The following KCNN2 variants were observed in gnomAD, a reference collection of about 807,000 sequenced individuals.
The protein encoded by KCNN2 is small conductance calcium-activated potassium channel protein 2.
KCNN2 carries 24 observed loss-of-function variants against 55.5 expected under a neutral mutation model. The ratio of observed to expected loss-of-function variants is 0.43; its 90% CI spans 0.31 to 0.61. The LOEUF (loss-of-function observed/expected upper bound fraction) is 0.61, where lower values mean the gene tolerates loss of function less well. Ranked by LOEUF, KCNN2 falls within the 20% of genes least tolerant of loss-of-function variation. The probability of loss-of-function intolerance (pLI) is 0.08; values close to 1 mark genes in which losing one functional copy is unlikely to be tolerated. For missense variants in KCNN2, 754 were observed against 853.6 expected, an observed-to-expected ratio of 0.88 and a Z score of 1.45; for synonymous variants, 431 against 336.1, an observed-to-expected ratio of 1.28 and a Z score of -3.09.
At chr5:114,338,989 A>C (rs1357865555) in intron 2 of KCNN2, among the ~76,000 whole-genome samples, 4 of 152,254 alleles carry the variant, frequency 2.6e-5, no homozygotes, top group Admixed American at 1.3e-4. Context: ...ACCTTGGGCC[A>C]TTAAAGAACT....
intron 3 of KCNN2, among the ~76,000 whole-genome samples, chr5:114,409,743 A>C (rs777034092): frequency 1.3e-5 from 2 of 152,102 alleles, no homozygotes; most frequent in Non-Finnish European, 2.9e-5. Flanking sequence ...GATTTCTATA[A>C]GTTTCTAGAA....
intron 1 of KCNN2, among the ~76,000 whole-genome samples, chr5:114,176,208 T>C (rs960485132): frequency 2.0e-5 from 3 of 152,172 alleles, no homozygotes; most frequent in Admixed American, 2.0e-4. Context: ...GTGCACCCTT[T>C]CCCAAGTGTG....
At chr5:114,150,468 G>T (rs965670006) in intron 1 of KCNN2, among the ~76,000 whole-genome samples, 7 of 152,160 alleles carry the variant, frequency 4.6e-5, no homozygotes, top group Non-Finnish European at 8.8e-5. Flanking sequence ...AAGATAAGTG[G>T]CCTCTTTAAC....
chr5:114,491,418 G>A (rs1194135461), intron 6 of KCNN2, among the ~76,000 whole-genome samples: 2 of 151,388 alleles, frequency 1.3e-5, no homozygotes, highest in African/African-American at 2.4e-5. Context: ...AAAGGTAAAG[G>A]TAATCGTCAA....
chr5:114,274,783 AG>A (rs1755449137), intron 2 of KCNN2, among the ~76,000 whole-genome samples: 1 of 152,230 alleles, frequency 6.6e-6, no homozygotes, highest in Non-Finnish European at 1.5e-5. Context: ...ATCTGCAAAC[AG>A]AGACAATTTG....
chr5:114,480,673 C>G (rs1762184973), intron 5 of KCNN2, among the ~76,000 whole-genome samples: 1 of 152,182 alleles, frequency 6.6e-6, no homozygotes, highest in African/African-American at 2.4e-5. Context: ...CCACCATGAT[C>G]AAGTTGGCTT....
intron 5 of KCNN2, among the ~76,000 whole-genome samples, chr5:114,474,320 A>G (rs569627070): frequency 7.2e-5 from 11 of 152,218 alleles, no homozygotes; most frequent in Non-Finnish European, 1.0e-4. Flanking sequence ...CCTATCAGAC[A>G]GTCCTGTGAT....
At chr5:114,363,412 T>A in intron 1 of KCNN2, 151 bp downstream of exon 1, 3 of 1,003,138 alleles carry the variant, frequency 3.0e-6, no homozygotes, top group Non-Finnish European at 4.2e-6. Flanking sequence ...AGGACGCGCA[T>A]CCGTAGTCAG....
chr5:114,486,798 G>A, intron 5 of KCNN2: 1 of 1,344,376 alleles, frequency 7.4e-7, no homozygotes, highest in Non-Finnish European at 9.8e-7. Flanking sequence ...GAAGTTTCCT[G>A]AAGGAGTAAG....
At chr5:114,189,001 A>G (rs141257929) in intron 1 of KCNN2, among the ~76,000 whole-genome samples, 129 of 152,258 alleles carry the variant, frequency 8.5e-4, no homozygotes, top group African/African-American at 3.0e-3. Flanking sequence ...ATTTTAAGGC[A>G]AGGAAAAACT....
At chr5:114,350,809 G>T (rs1757192612) in intron 2 of KCNN2, among the ~76,000 whole-genome samples, 1 of 151,658 alleles carries the variant, frequency 6.6e-6, no homozygotes, top group South Asian at 2.1e-4. Context: ...TGTTTCATTG[G>T]TCCTACATAT....
intron 1 of KCNN2, among the ~76,000 whole-genome samples, chr5:114,163,776 G>T (rs1489305639): frequency 6.6e-6 from 1 of 152,102 alleles, no homozygotes; most frequent in Non-Finnish European, 1.5e-5. Context: ...CCCATATGAA[G>T]GTCAAATGTG....
chr5:114,399,119 C>A (rs1000723149), intron 2 of KCNN2, among the ~76,000 whole-genome samples: 8 of 152,108 alleles, frequency 5.3e-5, no homozygotes, highest in Admixed American at 2.0e-4. Context: ...TTGTTTTGTG[C>A]CAGTTTTCTA....
chr5:114,433,262 A>G (rs890575537), intron 3 of KCNN2, among the ~76,000 whole-genome samples: 1 of 152,158 alleles, frequency 6.6e-6, no homozygotes, highest in Non-Finnish European at 1.5e-5. Flanking sequence ...CCCTGTGTCT[A>G]GCTCAGGGTT....
At chr5:114,352,573 T>G (rs572775408) in intron 2 of KCNN2, among the ~76,000 whole-genome samples, 3 of 151,840 alleles carry the variant, frequency 2.0e-5, no homozygotes, top group Non-Finnish European at 4.4e-5. Flanking sequence ...GCTAAGAATT[T>G]CCCTCTATGC....
intron 1 of KCNN2, among the ~76,000 whole-genome samples, chr5:114,211,235 G>A (rs932890282): frequency 2.0e-5 from 3 of 151,972 alleles, no homozygotes; most frequent in Non-Finnish European, 4.4e-5. Flanking sequence ...AATATAAATT[G>A]TTCTGTCATA....
At chr5:114,169,058 T>A (rs764005440) in intron 1 of KCNN2, among the ~76,000 whole-genome samples, 77 of 152,190 alleles carry the variant, frequency 5.1e-4, no homozygotes, top group Non-Finnish European at 7.1e-4. Context: ...CTTTACTCTC[T>A]CTCCTTCTCT....
intron 3 of KCNN2, among the ~76,000 whole-genome samples, chr5:114,416,398 C>A (rs972086120): frequency 5.3e-5 from 8 of 152,058 alleles, no homozygotes; most frequent in African/African-American, 1.9e-4. Flanking sequence ...GCTCCTCCGT[C>A]CCTTTTAGGT....
chr5:114,258,483 T>C lies in KCNN2; in HGVS notation c.-185+36918T>C, dbSNP rs144971864. Among the ~76,000 whole-genome samples, 1,243 of 152,270 alleles carry C rather than the reference T, an allele frequency of 8.2e-3. 10 individuals carry two copies. The highest frequency in any genetic ancestry group is 0.031 in the Middle Eastern group (9 of 294). ...TCCAACTGGTTCTGGGCTTTTTTTT[T>C]CTTGGGAGATTTTTTATTACTGATT... On this transcript the variant is annotated intron_variant, in intron 2 of 10. Coordinates refer to the KCNN2 transcript ENST00000512097.
Sources: gnomAD v4.1 joint callset for allele counts (sites outside exome capture counted in the v4.1 genomes callset) on GRCh38, gnomAD v4.1.1 for gene constraint, MANE v1.5 for transcripts, NCBI Gene and HGNC (gene_info 2026-07-23, HGNC 2026-07-21) for gene names.